MAMLD1: variants seen among roughly 807,000 people sequenced by gnomAD.
MAMLD1 encodes mastermind-like domain-containing protein 1.
MAMLD1 carries 14 observed loss-of-function variants against 45.0 expected under a neutral mutation model. The ratio of observed to expected loss-of-function variants is 0.31; its 90% CI spans 0.21 to 0.49. The LOEUF (loss-of-function observed/expected upper bound fraction) is 0.49, where lower values mean the gene tolerates loss of function less well. Among genes scored for constraint, MAMLD1 ranks in the 20% least tolerant of loss-of-function variants. MAMLD1 has a pLI of 0.99. For synonymous variants in MAMLD1, 254 were observed against 247.8 expected (o/e 1.02, Z -0.24); for missense variants, 543 against 603.6 (o/e 0.90, Z 1.05).
chrX:150,406,409 C>T (rs189687482), intron 1 of MAMLD1, among the ~76,000 whole-genome samples: 37 of 111,140 alleles, frequency 3.3e-4, no homozygotes, highest in African/African-American at 1.2e-3. Flanking sequence ...CCTCAAAGAG[C>T]CTTCATTGTG....
chrX:150,397,420 C>T (rs782205470), intron 1 of MAMLD1, among the ~76,000 whole-genome samples: 4 of 111,583 alleles, frequency 3.6e-5, no homozygotes, highest in Non-Finnish European at 7.5e-5. Flanking sequence ...TTTAGAATGT[C>T]CTTTGTAGAG....
intron 1 of MAMLD1, among the ~76,000 whole-genome samples, chrX:150,438,566 G>A (rs782135203): frequency 6.3e-5 from 7 of 111,831 alleles, no homozygotes; most frequent in Admixed American, 2.8e-4. Flanking sequence ...TGTCTCTATG[G>A]ATTTACCTAT....
At chrX:150,440,767 T>C (rs1443087375) in intron 1 of MAMLD1, among the ~76,000 whole-genome samples, 4 of 107,225 alleles carry the variant, frequency 3.7e-5, no homozygotes, top group African/African-American at 1.3e-4. Flanking sequence ...GATTGGTACA[T>C]TTTATTAATT....
At chrX:150,386,580 GA>G (rs1250377369) in intron 1 of MAMLD1, among the ~76,000 whole-genome samples, 1 of 111,707 alleles carries the variant, frequency 9.0e-6, no homozygotes, top group Admixed American at 9.5e-5. Flanking sequence ...AACCAATCCA[GA>G]AAAAAATTTT....
chrX:150,440,923 A>G (rs912828433), intron 1 of MAMLD1, among the ~76,000 whole-genome samples: 1 of 104,502 alleles, frequency 9.6e-6, no homozygotes, highest in Non-Finnish European at 1.9e-5. Context: ...ATTATTTATT[A>G]AATATAATAT....
chrX:150,492,174 C>T (rs1488968568), intron 5 of MAMLD1, among the ~76,000 whole-genome samples: 1 of 112,616 alleles, frequency 8.9e-6, no homozygotes, highest in African/African-American at 3.2e-5. Context: ...TCTGCTCCCC[C>T]GTTCTAATGT....
chrX:150,374,207 T>G (rs2032188919), intron 1 of MAMLD1, among the ~76,000 whole-genome samples: 1 of 113,010 alleles, frequency 8.8e-6, no homozygotes, highest in Non-Finnish European at 1.9e-5. Context: ...AGGGTACTAC[T>G]AGGCCTTAAG....
At chrX:150,487,623 G>A (rs181709680) in intron 5 of MAMLD1, among the ~76,000 whole-genome samples, 60 of 111,684 alleles carry the variant, frequency 5.4e-4, no homozygotes, top group African/African-American at 1.8e-3. Flanking sequence ...GATCAAGTTG[G>A]TTTAGGAATT....
chrX:150,465,878 G>T (rs1484922756), intron 3 of MAMLD1, among the ~76,000 whole-genome samples: 1 of 112,607 alleles, frequency 8.9e-6, no homozygotes, highest in Non-Finnish European at 1.9e-5. Flanking sequence ...TTTAGAAAGG[G>T]CTGGGAGCTT....
At position 150,512,504 on chromosome X, in the gene MAMLD1, CCTT is replaced by C. The variant is rs1557409219; in HGVS notation, c.*548_*550del. 3 of 1,156,304 alleles carry C rather than the reference CCTT, an allele frequency of 2.6e-6. No individual in the cohort carries two copies. The highest frequency in any genetic ancestry group is 3.4e-6 in the Non-Finnish European group (3 of 872,902). On this transcript the variant is annotated 3_prime_UTR_variant, in exon 8 of 8. Coordinates refer to ENST00000370401, the MANE Select transcript of MAMLD1 (RefSeq NM_005491.5). ...GGATAATAGCGTTCAGCAGCACTCA[CCTT>C]CTGGCCAGGCCTGCCTTCAGAGGCC...
chrX:150,412,863 G>A (rs938352520), intron 1 of MAMLD1, among the ~76,000 whole-genome samples: 16 of 109,916 alleles, frequency 1.5e-4, no homozygotes, highest in African/African-American at 5.3e-4. Flanking sequence ...GACTAGAGGC[G>A]CCCACCACCA....
In MAMLD1 at chrX:150,487,911, A is replaced by T. The variant is rs2037046509; in HGVS notation, c.2040+14109A>T. Among the ~76,000 whole-genome samples the T allele has an allele frequency of 2.7e-5, 3 of 112,954 alleles. No homozygotes were observed. The South Asian group carries it at 1.1e-3, about 41-fold the overall frequency. On this transcript the variant is annotated intron_variant, in intron 5 of 7. Coordinates refer to ENST00000370401, the MANE Select transcript of MAMLD1 (RefSeq NM_005491.5). Reference sequence around the variant, plus strand: ...CTGGATCACTGTAAATGCTCAGTAAATGTGTGTTGCACAAGTGCTATCAAA... The same window carrying T: ...CTGGATCACTGTAAATGCTCAGTAATTGTGTGTTGCACAAGTGCTATCAAA...
chrX:150,423,417 A>G (rs1480716791), intron 1 of MAMLD1, among the ~76,000 whole-genome samples: 3 of 79,855 alleles, frequency 3.8e-5, no homozygotes, highest in African/African-American at 1.4e-4. Context: ...TGAGCAGTCC[A>G]TAAGGGCAGA....
chrX:150,389,310 G>A (rs1557402120), intron 1 of MAMLD1, among the ~76,000 whole-genome samples: 1 of 111,814 alleles, frequency 8.9e-6, no homozygotes, highest in Non-Finnish European at 1.9e-5. Context: ...GCCTCCCGAA[G>A]TGCTAGGATT....
chrX:150,494,338 G>A (rs782361869), intron 5 of MAMLD1, among the ~76,000 whole-genome samples: 123 of 111,670 alleles, frequency 1.1e-3, no homozygotes, highest in African/African-American at 3.8e-3. Context: ...AGGTTGCAGT[G>A]AGCCGAGATC....
intron 1 of MAMLD1, among the ~76,000 whole-genome samples, chrX:150,403,972 G>GAAAGAAAGAAAGAA (rs1557402583): frequency 2.7e-3 from 238 of 89,586 alleles, no homozygotes; most frequent in African/African-American, 3.3e-3. Flanking sequence ...AAGAAAGAAA[G>GAAAGAAAGAAAGAA]AAAGAAAGAA....
chrX:150,414,950 G>C, intron 1 of MAMLD1, among the ~76,000 whole-genome samples: 1 of 111,525 alleles, frequency 9.0e-6, no homozygotes, highest in Middle Eastern at 4.6e-3. Flanking sequence ...AGGCTCTTGA[G>C]ACACCAGGGT....
chrX:150,454,367 T>C (rs782478591), intron 2 of MAMLD1, among the ~76,000 whole-genome samples: 2 of 112,217 alleles, frequency 1.8e-5, no homozygotes, highest in East Asian at 5.6e-4. Flanking sequence ...GTGTACAGTA[T>C]CTAACTGCTG....
intron 5 of MAMLD1, among the ~76,000 whole-genome samples, chrX:150,486,584 T>G (rs781832036): frequency 7.3e-4 from 81 of 111,410 alleles, no homozygotes; most frequent in Non-Finnish European, 1.3e-3. Context: ...CCATCCTCAT[T>G]CATACACACC....
Sources: gnomAD v4.1 joint callset for allele counts (sites outside exome capture counted in the v4.1 genomes callset) on GRCh38, gnomAD v4.1.1 for gene constraint, MANE v1.5 for transcripts, NCBI Gene and HGNC (gene_info 2026-07-23, HGNC 2026-07-21) for gene names.